The following ZNRF2 variants were observed in gnomAD, a reference collection of about 807,000 sequenced individuals.
ZNRF2 encodes the protein zinc and ring finger 2.
Under a neutral mutation model 20.4 loss-of-function variants are expected in ZNRF2, and 16 were observed. The ratio of observed to expected loss-of-function variants is 0.79; its 90% CI spans 0.53 to 1.19. The LOEUF is 1.19. Ranked by LOEUF, ZNRF2 falls within the 50% of genes most tolerant of loss-of-function variation. The pLI, the probability that ZNRF2 is intolerant of heterozygous loss-of-function variation, is 0.00. For synonymous variants in ZNRF2, 178 were observed against 144.9 expected (o/e 1.23, Z -1.64); for missense variants, 363 against 332.4 (o/e 1.09, Z -0.72).
chr7:30,299,122 C>T (rs1037494138), intron 1 of ZNRF2, among the ~76,000 whole-genome samples: 1 of 151,850 alleles, frequency 6.6e-6, no homozygotes, highest in Non-Finnish European at 1.5e-5. Flanking sequence ...TAATAATTCA[C>T]TCCTATAAAA....
At chr7:30,299,925 G>A (rs940684817) in intron 1 of ZNRF2, among the ~76,000 whole-genome samples, 6 of 151,382 alleles carry the variant, frequency 4.0e-5, no homozygotes, top group Admixed American at 6.6e-5. Flanking sequence ...GACTACAGGC[G>A]CCCGCCACCA....
intron 3 of ZNRF2, among the ~76,000 whole-genome samples, chr7:30,358,279 G>T (rs991060335): frequency 6.6e-6 from 1 of 151,966 alleles, no homozygotes; most frequent in African/African-American, 2.4e-5. Flanking sequence ...CAAGAAAAAA[G>T]GAAATATCTC....
rs139119692 is a variant in ZNRF2 at position 30,344,066 on chromosome 7, C to T, written c.566-11662C>T. On this transcript the variant is annotated intron_variant, in intron 2 of 4. Transcript: ENST00000323037. ...TCCCGAATAGCTGGGATTACAGGCG[C>T]CTGCCATCATACACCCAGCTAATTT... Among the ~76,000 whole-genome samples, 226 of 151,620 alleles carry T rather than the reference C, an allele frequency of 1.5e-3. 3 individuals are homozygous for T. The East Asian group carries it at 0.027, about 18-fold the overall frequency.
intron 1 of ZNRF2, among the ~76,000 whole-genome samples, chr7:30,317,841 A>T (rs925829931): frequency 6.6e-6 from 1 of 152,166 alleles, no homozygotes; most frequent in African/African-American, 2.4e-5. Context: ...GTTATCAGAG[A>T]TGGAATGACA....
intron 4 of ZNRF2, among the ~76,000 whole-genome samples, chr7:30,363,005 C>T (rs1051427254): frequency 6.6e-6 from 1 of 152,152 alleles, no homozygotes; most frequent in Admixed American, 6.5e-5. Flanking sequence ...CCTGTAGTCC[C>T]AGCTGCTTGG....
intron 2 of ZNRF2, among the ~76,000 whole-genome samples, chr7:30,325,946 A>C (rs1433766146): frequency 6.6e-6 from 1 of 152,148 alleles, no homozygotes; most frequent in Non-Finnish European, 1.5e-5. Context: ...CTTATATTCT[A>C]TAATTGTTTA....
chr7:30,299,435 A>T (rs73081543), intron 1 of ZNRF2, among the ~76,000 whole-genome samples: 2 of 152,020 alleles, frequency 1.3e-5, no homozygotes, highest in Non-Finnish European at 2.9e-5. Flanking sequence ...AAAAAAAAAA[A>T]TCAGATGATG....
chr7:30,292,605 A>T (rs981300912), intron 1 of ZNRF2, among the ~76,000 whole-genome samples: 8 of 152,104 alleles, frequency 5.3e-5, no homozygotes, highest in Non-Finnish European at 2.9e-5. Flanking sequence ...AGGCCTATCT[A>T]TAGTTGCTAT....
intron 2 of ZNRF2, among the ~76,000 whole-genome samples, chr7:30,327,122 A>G (rs1447856084): frequency 6.6e-6 from 1 of 152,078 alleles, no homozygotes; most frequent in Non-Finnish European, 1.5e-5. Context: ...GCTGTGCAGA[A>G]GCTCTTTAGT....
At chr7:30,290,932 C>T (rs1278725505) in intron 1 of ZNRF2, among the ~76,000 whole-genome samples, 1 of 152,188 alleles carries the variant, frequency 6.6e-6, no homozygotes, top group East Asian at 1.9e-4. Context: ...ATGCACTGCT[C>T]AACTCTCCAT....
intron 1 of ZNRF2, among the ~76,000 whole-genome samples, chr7:30,311,951 T>C (rs550642403): frequency 5.8e-4 from 89 of 152,280 alleles, no homozygotes; most frequent in African/African-American, 2.1e-3. Flanking sequence ...TAAAAAAAAT[T>C]AGATTATTGA....
At chr7:30,306,943 T>C (rs570025450) in intron 1 of ZNRF2, among the ~76,000 whole-genome samples, 15 of 152,266 alleles carry the variant, frequency 9.9e-5, no homozygotes, top group African/African-American at 3.1e-4. Context: ...TCTGGGTGCA[T>C]AGATTTAATA....
chr7:30,301,569 A>G (rs992469532), intron 1 of ZNRF2, among the ~76,000 whole-genome samples: 1 of 152,100 alleles, frequency 6.6e-6, no homozygotes, highest in African/African-American at 2.4e-5. Context: ...CACTTTTGAT[A>G]CATTAAATAT....
intron 2 of ZNRF2, among the ~76,000 whole-genome samples, chr7:30,324,128 G>C (rs928347613): frequency 3.9e-5 from 6 of 151,962 alleles, no homozygotes; most frequent in African/African-American, 1.5e-4. Flanking sequence ...TTAATATCAG[G>C]CTTCATGACA....
intron 3 of ZNRF2, 132 bp downstream of exon 3, chr7:30,355,965 A>G: frequency 1.7e-6 from 1 of 581,246 alleles, no homozygotes. Flanking sequence ...AAACTTAATG[A>G]TCTTTTTTCT....
chr7:30,300,019 C>T (rs1409850764), intron 1 of ZNRF2, among the ~76,000 whole-genome samples: 2 of 151,882 alleles, frequency 1.3e-5, no homozygotes, highest in East Asian at 1.9e-4. Flanking sequence ...CTCCTGACCT[C>T]GTGATGTGCC....
chr7:30,290,681 A>G (rs1417745241), intron 1 of ZNRF2, among the ~76,000 whole-genome samples: 1 of 152,250 alleles, frequency 6.6e-6, no homozygotes, highest in Admixed American at 6.5e-5. Flanking sequence ...AGGGAATTAT[A>G]CAAAGGTTTA....
intron 1 of ZNRF2, among the ~76,000 whole-genome samples, chr7:30,303,357 T>A (rs1009567070): frequency 4.6e-5 from 7 of 152,230 alleles, no homozygotes; most frequent in Non-Finnish European, 7.3e-5. Context: ...GACCCCTTTT[T>A]AAAATCATTA....
intron 1 of ZNRF2, among the ~76,000 whole-genome samples, chr7:30,312,126 A>T (rs1799300805): frequency 6.6e-6 from 1 of 151,234 alleles, no homozygotes; most frequent in Non-Finnish European, 1.5e-5. Context: ...ACAGGCACAC[A>T]CCACCATGCC....
Sources: gnomAD v4.1 joint callset for allele counts (sites outside exome capture counted in the v4.1 genomes callset) on GRCh38, gnomAD v4.1.1 for gene constraint, MANE v1.5 for transcripts, NCBI Gene and HGNC (gene_info 2026-07-23, HGNC 2026-07-21) for gene names.